Variants in SUSD1 observed in about 807,000 individuals in gnomAD.
SUSD1 encodes sushi domain-containing protein 1.
In SUSD1, 65 loss-of-function variants were observed where a neutral mutation model predicts 86.9. That is an observed-to-expected ratio of 0.75 (90% CI 0.61 to 0.92). The LOEUF is 0.92. Ranked by LOEUF, SUSD1 falls within the 40% of genes least tolerant of loss-of-function variation. SUSD1 has a pLI of 0.00. For missense variants in SUSD1, 850 were observed against 929.7 expected (o/e 0.91, Z 1.11); for synonymous variants, 346 against 350.0 (o/e 0.99, Z 0.13).
intron 12 of SUSD1, among the ~76,000 whole-genome samples, chr9:112,072,533 C>A (rs1275910037): frequency 6.6e-6 from 1 of 152,150 alleles, no homozygotes; most frequent in Admixed American, 6.5e-5. Flanking sequence ...TCCCAACACA[C>A]ACAGAAACCC....
intron 5 of SUSD1, among the ~76,000 whole-genome samples, chr9:112,136,901 G>A (rs1261206109): frequency 1.3e-5 from 2 of 152,114 alleles, no homozygotes; most frequent in African/African-American, 4.8e-5. Flanking sequence ...TTCTGGCCGG[G>A]TCCTAGACCA....
chr9:112,149,587 A>T (rs774854589), intron 2 of SUSD1, among the ~76,000 whole-genome samples, 188 bp from the exon 3 acceptor site: 1 of 152,146 alleles, frequency 6.6e-6, no homozygotes, highest in Non-Finnish European at 1.5e-5. Flanking sequence ...CCTCGTAGTT[A>T]TGTGCCAGGA....
intron 10 of SUSD1, 49 bp from the exon 11 acceptor site, chr9:112,080,214 T>A (rs1829706130): frequency 7.2e-7 from 1 of 1,379,574 alleles, no homozygotes; most frequent in African/African-American, 1.4e-5. Context: ...ATAGAAAAAA[T>A]GCTACCTTTT....
At chr9:112,067,850 A>G (rs1187867133) in intron 12 of SUSD1, among the ~76,000 whole-genome samples, 3 of 152,110 alleles carry the variant, frequency 2.0e-5, no homozygotes, top group Non-Finnish European at 2.9e-5. Flanking sequence ...GCCACTGTGA[A>G]CTGAAGGACT....
At chr9:112,041,718 G>A (rs1428634889) in intron 16 of SUSD1, 149 bp downstream of exon 16, 1 of 748,772 alleles carries the variant, frequency 1.3e-6, no homozygotes, top group African/African-American at 1.7e-5. Context: ...GGTTAGTCAT[G>A]CCTTTCACCG....
At chr9:112,089,673 G>A (rs527359281) in intron 10 of SUSD1, among the ~76,000 whole-genome samples, 23 of 152,016 alleles carry the variant, frequency 1.5e-4, no homozygotes, top group Middle Eastern at 6.8e-3. Context: ...TTAGCTGGGC[G>A]TGGTGGTACA....
chr9:112,094,921 T>C (rs1045474413), intron 10 of SUSD1, among the ~76,000 whole-genome samples: 10 of 152,200 alleles, frequency 6.6e-5, no homozygotes, highest in African/African-American at 1.9e-4. Context: ...AGTTTCAAGG[T>C]GGCATTGTTT....
At chr9:112,074,788 G>A (rs1464727236) in intron 12 of SUSD1, among the ~76,000 whole-genome samples, 2 of 151,222 alleles carry the variant, frequency 1.3e-5, no homozygotes, top group Admixed American at 6.6e-5. Flanking sequence ...TAAAAGAAAG[G>A]GGTTGGTTTT....
chr9:112,174,762 G>T (rs1361085551), intron 1 of SUSD1, among the ~76,000 whole-genome samples: 1 of 152,136 alleles, frequency 6.6e-6, no homozygotes, highest in Non-Finnish European at 1.5e-5. Context: ...AAGCGTGACA[G>T]CGCCGCAGAA....
At chr9:112,158,705 T>C (rs910538579) in intron 1 of SUSD1, among the ~76,000 whole-genome samples, 1 of 152,148 alleles carries the variant, frequency 6.6e-6, no homozygotes. Context: ...TCCTCCATTC[T>C]TAAGGAAAAT....
intron 10 of SUSD1, among the ~76,000 whole-genome samples, chr9:112,083,234 AT>A (rs920767727): frequency 1.1e-4 from 16 of 149,470 alleles, no homozygotes; most frequent in African/African-American, 1.5e-4. Flanking sequence ...ATTTTAAAGA[AT>A]TTTTTTTTTT....
At chr9:112,083,525 G>C (rs1341495403) in intron 10 of SUSD1, among the ~76,000 whole-genome samples, 1 of 152,144 alleles carries the variant, frequency 6.6e-6, no homozygotes, top group Non-Finnish European at 1.5e-5. Context: ...ACCGCCCCCA[G>C]CCACCACAAT....
intron 15 of SUSD1, among the ~76,000 whole-genome samples, chr9:112,050,387 A>T (rs1246362428): frequency 6.6e-6 from 1 of 152,220 alleles, no homozygotes; most frequent in Non-Finnish European, 1.5e-5. Context: ...TGGTTTGAGC[A>T]GAGGTAAAAA....
At chr9:112,112,891 A>G (rs1401839817) in intron 6 of SUSD1, 23 bp from the exon 7 acceptor site, 10 of 1,526,220 alleles carry the variant, frequency 6.6e-6, no homozygotes, top group Non-Finnish European at 9.1e-6. Context: ...AAGGCAGTCA[A>G]CTCACAAAAT....
In SUSD1 at chr9:112,138,463, CT is replaced by C. The variant is rs1320715477; in HGVS notation, c.706+3856del. Among the ~76,000 whole-genome samples, 626 of 139,146 alleles carry C rather than the reference CT, an allele frequency of 4.5e-3. 5 individuals carry two copies. The highest frequency in any genetic ancestry group is 0.012 in the African/African-American group (454 of 37,856). The allele number at this position is 139,146 out of a possible 152,430, so 91.3% of individuals were successfully genotyped here. On this transcript the variant is annotated intron_variant, in intron 5 of 16. Coordinates refer to ENST00000374270, the MANE Select transcript of SUSD1 (RefSeq NM_022486.5). ...GTACTTATCTATGTCAATAAATATTCTTTTTTTTTTTTTGAGACGGAGTCTT... is the reference window on the plus strand; with the variant it reads ...GTACTTATCTATGTCAATAAATATTCTTTTTTTTTTTTGAGACGGAGTCTT...
intron 3 of SUSD1, among the ~76,000 whole-genome samples, chr9:112,145,439 C>T (rs572457687): frequency 2.0e-5 from 3 of 151,906 alleles, no homozygotes; most frequent in South Asian, 2.1e-4. Context: ...ACCACCACGC[C>T]GGCTAATTTT....
intron 5 of SUSD1, among the ~76,000 whole-genome samples, chr9:112,139,708 T>G (rs1334180009): frequency 6.6e-6 from 1 of 151,506 alleles, no homozygotes; most frequent in African/African-American, 2.4e-5. Flanking sequence ...CATCGTTATT[T>G]AAAAGAAGAA....
chr9:112,068,011 A>C (rs544147530), intron 12 of SUSD1, among the ~76,000 whole-genome samples: 2 of 152,204 alleles, frequency 1.3e-5, no homozygotes, highest in African/African-American at 2.4e-5. Flanking sequence ...TATTATTCAT[A>C]TATCTGCATT....
intron 12 of SUSD1, among the ~76,000 whole-genome samples, chr9:112,067,997 T>C (rs1335770178): frequency 6.6e-6 from 1 of 152,196 alleles, no homozygotes; most frequent in African/African-American, 2.4e-5. Context: ...AGCACTACTA[T>C]ATATATTATT....
Sources: allele counts gnomAD v4.1 joint callset (sites outside exome capture counted in the v4.1 genomes callset), GRCh38; gene constraint gnomAD v4.1.1; transcripts MANE v1.5; gene names NCBI Gene and HGNC (gene_info 2026-07-23, HGNC 2026-07-21).